KLHL29: variants seen among roughly 807,000 people sequenced by gnomAD.
KLHL29 encodes kelch-like protein 29.
In KLHL29, 21 loss-of-function variants were observed where a neutral mutation model predicts 80.4. The observed-to-expected ratio is 0.26, with a 90% CI of 0.19 to 0.38. KLHL29 has a LOEUF of 0.38. Among genes scored for constraint, KLHL29 ranks in the 10% least tolerant of loss-of-function variants. The probability of loss-of-function intolerance (pLI) is 1.00; values close to 1 mark genes in which losing one functional copy is unlikely to be tolerated. For missense variants in KLHL29, 867 were observed against 1,223.9 expected, an observed-to-expected ratio of 0.71 and a Z score of 4.35; for synonymous variants, 511 against 526.8, an observed-to-expected ratio of 0.97 and a Z score of 0.41.
intron 1 of KLHL29, among the ~76,000 whole-genome samples, chr2:23,413,521 C>T (rs879842159): frequency 1.3e-5 from 2 of 152,214 alleles, no homozygotes; most frequent in South Asian, 2.1e-4. Context: ...TGTAACTATC[C>T]GCTCATTTAT....
chr2:23,603,085 C>T (rs1668612949), intron 3 of KLHL29, among the ~76,000 whole-genome samples: 1 of 152,190 alleles, frequency 6.6e-6, no homozygotes, highest in South Asian at 2.1e-4. Context: ...CAATGCCTCT[C>T]TTCAGGGTAG....
intron 3 of KLHL29, among the ~76,000 whole-genome samples, chr2:23,599,886 C>T (rs1287637520): frequency 6.6e-6 from 1 of 152,198 alleles, no homozygotes; most frequent in Non-Finnish European, 1.5e-5. Context: ...AGCTCTGGGT[C>T]AGCCATGGCT....
At chr2:23,618,955 T>C (rs1291294661) in intron 3 of KLHL29, among the ~76,000 whole-genome samples, 2 of 152,192 alleles carry the variant, frequency 1.3e-5, no homozygotes, top group Admixed American at 6.5e-5. Context: ...ACTGTGTGAA[T>C]AGAAATGAGG....
intron 1 of KLHL29, among the ~76,000 whole-genome samples, chr2:23,425,870 T>C (rs1207968897): frequency 6.6e-6 from 1 of 152,192 alleles, no homozygotes; most frequent in Non-Finnish European, 1.5e-5. Flanking sequence ...TGGGTCTCTT[T>C]CTTCATAGGG....
At chr2:23,395,212 A>G (rs1666418842) in intron 1 of KLHL29, among the ~76,000 whole-genome samples, 1 of 152,160 alleles carries the variant, frequency 6.6e-6, no homozygotes, top group African/African-American at 2.4e-5. Flanking sequence ...TTCCCGAGAA[A>G]TTCTGTGAGA....
At chr2:23,403,085 A>G (rs1666635662) in intron 1 of KLHL29, among the ~76,000 whole-genome samples, 1 of 152,120 alleles carries the variant, frequency 6.6e-6, no homozygotes, top group Non-Finnish European at 1.5e-5. Flanking sequence ...AAAATGTGCC[A>G]TAATATTAAC....
chr2:23,582,769 G>C (rs1206559596), intron 3 of KLHL29, among the ~76,000 whole-genome samples: 1 of 152,174 alleles, frequency 6.6e-6, no homozygotes, highest in African/African-American at 2.4e-5. Flanking sequence ...CATTCAAACT[G>C]ATGAGAAAGC....
intron 4 of KLHL29, among the ~76,000 whole-genome samples, chr2:23,640,959 C>A (rs1311122852): frequency 6.6e-6 from 1 of 152,198 alleles, no homozygotes; most frequent in Admixed American, 6.5e-5. Context: ...TGAGAGGGAG[C>A]TCCCAGCTCC....
At chr2:23,501,912 C>T (rs1199480590) in intron 2 of KLHL29, among the ~76,000 whole-genome samples, 2 of 152,196 alleles carry the variant, frequency 1.3e-5, no homozygotes. Context: ...CCTCCAGAAG[C>T]AGCCACTGAT....
At chr2:23,454,120 TTTTAA>T (rs1663969477) in intron 1 of KLHL29, among the ~76,000 whole-genome samples, 1 of 152,220 alleles carries the variant, frequency 6.6e-6, no homozygotes, top group Non-Finnish European at 1.5e-5. Context: ...CATTAGGGAC[TTTTAA>T]CCTGTGGGTC....
At chr2:23,435,465 T>A (rs1663311778) in intron 1 of KLHL29, among the ~76,000 whole-genome samples, 1 of 152,106 alleles carries the variant, frequency 6.6e-6, no homozygotes, top group African/African-American at 2.4e-5. Context: ...CAGGTGGATA[T>A]GACAGTCCTA....
chr2:23,570,731 T>C (rs1416825783), intron 3 of KLHL29, among the ~76,000 whole-genome samples: 1 of 152,206 alleles, frequency 6.6e-6, no homozygotes, highest in East Asian at 1.9e-4. Flanking sequence ...GACAGTCGGC[T>C]AGGGTAGGGA....
At chr2:23,386,618 C>A (rs1278612911) in intron 1 of KLHL29, among the ~76,000 whole-genome samples, 3 of 151,972 alleles carry the variant, frequency 2.0e-5, no homozygotes, top group Non-Finnish European at 4.4e-5. Flanking sequence ...GCCCCGATGG[C>A]CTCGGGGGGC....
intron 3 of KLHL29, among the ~76,000 whole-genome samples, chr2:23,604,186 CTT>C (rs1336739176): frequency 6.6e-6 from 1 of 151,994 alleles, no homozygotes; most frequent in Non-Finnish European, 1.5e-5. Context: ...GAGTCTCACT[CTT>C]TCGCCCAGGC....
intron 5 of KLHL29, among the ~76,000 whole-genome samples, chr2:23,673,698 C>T (rs922509610): frequency 2.0e-5 from 3 of 151,458 alleles, no homozygotes; most frequent in African/African-American, 7.3e-5. Context: ...GCCACATCCT[C>T]TCTCTCACAC....
intron 2 of KLHL29, among the ~76,000 whole-genome samples, chr2:23,536,824 AG>A (rs1269285292): frequency 6.6e-6 from 1 of 152,094 alleles, no homozygotes; most frequent in African/African-American, 2.4e-5. Context: ...AGTAAAGGAA[AG>A]AGAGTGACAT....
At chr2:23,434,604 C>G (rs1215635375) in intron 1 of KLHL29, among the ~76,000 whole-genome samples, 1 of 152,188 alleles carries the variant, frequency 6.6e-6, no homozygotes, top group Admixed American at 6.5e-5. Context: ...CATTGAGAGT[C>G]CTTCCCCCAG....
intron 1 of KLHL29, among the ~76,000 whole-genome samples, chr2:23,427,780 T>C (rs763506758): frequency 2.0e-5 from 3 of 152,096 alleles, no homozygotes; most frequent in Non-Finnish European, 4.4e-5. Context: ...ATGAGCAAGG[T>C]CCTTGATGTC....
intron 4 of KLHL29, among the ~76,000 whole-genome samples, 196 bp from the exon 5 acceptor site, chr2:23,642,142 A>G (rs1161756877): frequency 6.6e-6 from 1 of 151,858 alleles, no homozygotes; most frequent in Non-Finnish European, 1.5e-5. Context: ...CTGAGCCCCG[A>G]TGGCTGTTTG....
Sources: allele counts gnomAD v4.1 joint callset (sites outside exome capture counted in the v4.1 genomes callset), GRCh38; gene constraint gnomAD v4.1.1; transcripts MANE v1.5; gene names NCBI Gene and HGNC (gene_info 2026-07-23, HGNC 2026-07-21).